Variants in BOC observed in about 807,000 individuals in gnomAD.
The protein encoded by BOC is brother of CDO.
A neutral mutation model predicts 112.0 loss-of-function variants in BOC; 76 were observed. That is an observed-to-expected ratio of 0.68 (90% CI 0.56 to 0.82). The LOEUF (loss-of-function observed/expected upper bound fraction) is 0.82. BOC is among the 40% of genes least tolerant of loss of function. The probability of loss-of-function intolerance (pLI) is 0.00; values close to 1 mark genes in which losing one functional copy is unlikely to be tolerated. For synonymous variants in BOC, 580 were observed against 599.8 expected (o/e 0.97, Z 0.48); for missense variants, 1,309 against 1,511.7 (o/e 0.87, Z 2.22).
chr3:113,239,925 G>C (rs1332941116), intron 2 of BOC, among the ~76,000 whole-genome samples: 3 of 152,180 alleles, frequency 2.0e-5, no homozygotes, highest in Non-Finnish European at 2.9e-5. Flanking sequence ...GAGGCTAACT[G>C]TTCACAAAGT....
chr3:113,279,008 C>A, intron 11 of BOC: 1 of 635,360 alleles, frequency 1.6e-6, no homozygotes, highest in Non-Finnish European at 2.7e-6. Flanking sequence ...GAGGCCAGAG[C>A]TGTGGTCCTT....
chr3:113,283,406 T>G lies in BOC; in HGVS notation c.2435-5T>G, dbSNP rs775765454. 2.5e-6 allele frequency: 4 copies of G among 1,586,764 alleles called. No homozygotes were observed. The highest frequency in any genetic ancestry group is 1.4e-5 in the African/African-American group (1 of 74,038). ...TGCTGAAGTGAGTTTTGTCCACAAT[T>G]ACAGCTCGGAAGTCTTCTGGCCAGC... is the stretch of plus-strand genomic sequence containing the variant. On this transcript the variant is annotated splice_region_variant and splice_polypyrimidine_tract_variant and intron_variant, in intron 15 of 19. Coordinates refer to ENST00000682979, the MANE Select transcript of BOC (RefSeq NM_001378074.1).
chr3:113,216,463 G>T (rs970390361), intron 2 of BOC, 189 bp downstream of exon 2: 2 of 334,920 alleles, frequency 6.0e-6, no homozygotes, highest in African/African-American at 4.3e-5. Context: ...GTCAAAGCCT[G>T]TGATGGCTAT....
At chr3:113,272,298 C>A in intron 6 of BOC, 112 bp from the exon 7 acceptor site, 1 of 1,220,552 alleles carries the variant, frequency 8.2e-7, no homozygotes. Flanking sequence ...TTGAAAGACC[C>A]GGAATGGCTG....
intron 9 of BOC, among the ~76,000 whole-genome samples, chr3:113,277,156 A>T (rs1188514604): frequency 6.6e-6 from 1 of 152,228 alleles, no homozygotes; most frequent in African/African-American, 2.4e-5. Flanking sequence ...GGAAACAAAG[A>T]GGATTGAAAT....
At chr3:113,215,620 C>A (rs1303560454) in intron 1 of BOC, among the ~76,000 whole-genome samples, 2 of 152,206 alleles carry the variant, frequency 1.3e-5, no homozygotes, top group Non-Finnish European at 2.9e-5. Flanking sequence ...CCAGTGCCAA[C>A]CTGTGACCAT....
chr3:113,211,216 G>T (rs544348914), upstream of BOC: 1 of 152,530 alleles, frequency 6.6e-6, no homozygotes, highest in African/African-American at 2.4e-5. Context: ...ATTGTACATG[G>T]AAGAGCAAGG....
At chr3:113,286,647 T>C in intron 19 of BOC, 28 bp from the exon 20 acceptor site, 1 of 1,520,554 alleles carries the variant, frequency 6.6e-7, no homozygotes, top group Non-Finnish European at 8.8e-7. Flanking sequence ...ATCTGGATTT[T>C]AATGGTTCCT....
intron 2 of BOC, among the ~76,000 whole-genome samples, chr3:113,245,642 A>C (rs757980586): frequency 3.3e-5 from 5 of 152,224 alleles, no homozygotes; most frequent in Non-Finnish European, 5.9e-5. Context: ...GGAGCATGCA[A>C]AATGAAAAGT....
At chr3:113,281,238 T>C (rs912332278) in intron 15 of BOC, 85 bp downstream of exon 15, 116 of 1,491,692 alleles carry the variant, frequency 7.8e-5, no homozygotes, top group Middle Eastern at 3.7e-4. Flanking sequence ...TGTGCGGTGC[T>C]GGGCCTCTTT....
intron 2 of BOC, among the ~76,000 whole-genome samples, chr3:113,222,718 T>C (rs2107631667): frequency 6.6e-6 from 1 of 152,314 alleles, no homozygotes; most frequent in East Asian, 1.9e-4. Flanking sequence ...GGTGCCCAGC[T>C]CACACTCTCA....
In BOC at chr3:113,263,022, G is replaced by A. The variant is rs146999590; in HGVS notation, c.377-5277G>A. On this transcript the variant is annotated intron_variant, in intron 4 of 19. Transcript: ENST00000682979. ...TCTCTCAAAAAGGGACTGAGGTGCAGGGAAGGACCAAAGGATCAGCATGCC... is the reference window on the plus strand; with the variant it reads ...TCTCTCAAAAAGGGACTGAGGTGCAAGGAAGGACCAAAGGATCAGCATGCC... Among the ~76,000 whole-genome samples, 105 of 152,366 alleles carry A rather than the reference G, an allele frequency of 6.9e-4. 1 individual carries two copies. The highest frequency in any genetic ancestry group is 2.5e-3 in the African/African-American group (103 of 41,594).
chr3:113,266,033 AC>A (rs60411401), intron 4 of BOC, among the ~76,000 whole-genome samples: 208 of 152,368 alleles, frequency 1.4e-3, no homozygotes, highest in African/African-American at 4.4e-3. Context: ...GATATCACAC[AC>A]AAAACATTAA....
chr3:113,264,023 A>G (rs13064395), intron 4 of BOC, among the ~76,000 whole-genome samples: 3 of 152,238 alleles, frequency 2.0e-5, no homozygotes, highest in Non-Finnish European at 2.9e-5. Flanking sequence ...GTGATGTATC[A>G]GAGTGTACGT....
chr3:113,229,500 GACCTGTTTGTCACCTTT>G (rs1220705247), intron 2 of BOC, among the ~76,000 whole-genome samples: 3 of 152,172 alleles, frequency 2.0e-5, no homozygotes, highest in Non-Finnish European at 4.4e-5. Flanking sequence ...ATGGCTCAGG[GACCTGTTTGTCACCTTT>G]GCTACTGTAG....
chr3:113,262,004 A>G (rs1180384011), intron 4 of BOC: 1 of 151,952 alleles, frequency 6.6e-6, no homozygotes, highest in Admixed American at 6.6e-5. Context: ...CTTCCTCCCC[A>G]TGGAAACTGT....
chr3:113,222,758 T>C (rs1940963605), intron 2 of BOC, among the ~76,000 whole-genome samples: 1 of 152,260 alleles, frequency 6.6e-6, no homozygotes, highest in Non-Finnish European at 1.5e-5. Context: ...TCCTGTTTTT[T>C]ATCTGGGATT....
At chr3:113,237,995 A>G (rs1227818297) in intron 2 of BOC, among the ~76,000 whole-genome samples, 1 of 152,244 alleles carries the variant, frequency 6.6e-6, no homozygotes, top group Non-Finnish European at 1.5e-5. Flanking sequence ...AGAAAGAGAT[A>G]AGAGGTATAT....
At chr3:113,212,044 C>G (rs1938229611) in intron 1 of BOC, 28 bp downstream of exon 1, 1 of 152,124 alleles carries the variant, frequency 6.6e-6, no homozygotes, top group Non-Finnish European at 1.5e-5. Flanking sequence ...AGTTTGTTTT[C>G]TTTTCATAAA....
Sources: allele counts gnomAD v4.1 joint callset (sites outside exome capture counted in the v4.1 genomes callset), GRCh38; gene constraint gnomAD v4.1.1; transcripts MANE v1.5; gene names NCBI Gene and HGNC (gene_info 2026-07-23, HGNC 2026-07-21).